SEL1L3: variants seen among roughly 807,000 people sequenced by gnomAD.
The protein encoded by SEL1L3 is SEL1L family member 3.
Under a neutral mutation model 142.8 loss-of-function variants are expected in SEL1L3, and 76 were observed. That is an observed-to-expected ratio of 0.53 (90% CI 0.44 to 0.64). The LOEUF (loss-of-function observed/expected upper bound fraction) is 0.64, where lower values mean the gene tolerates loss of function less well. SEL1L3 is among the 30% of genes least tolerant of loss of function. SEL1L3 has a pLI of 0.00. For missense variants in SEL1L3, 1,262 were observed against 1,381.7 expected (o/e 0.91, Z 1.37); for synonymous variants, 504 against 519.6 (o/e 0.97, Z 0.41).
At chr4:25,769,213 G>A (rs1409488044) in intron 17 of SEL1L3, among the ~76,000 whole-genome samples, 1 of 152,190 alleles carries the variant, frequency 6.6e-6, no homozygotes, top group Non-Finnish European at 1.5e-5. Flanking sequence ...AGCAGATTCT[G>A]AAATTATCTT....
Position 25,814,661 on chromosome 4 carries a change from C to CA in SEL1L3, c.1564+3476_1564+3477insT, listed in dbSNP as rs1560324662. 6.0e-5 allele frequency among the ~76,000 whole-genome samples: 9 copies of CA among 149,414 alleles called. No homozygotes were observed. In the East Asian group the frequency reaches 1.8e-3, roughly 29 times the overall value. On this transcript the variant is annotated intron_variant, in intron 9 of 23. Coordinates refer to ENST00000399878, the MANE Select transcript of SEL1L3 (RefSeq NM_015187.5). ...CGCTGTGGGCAGGAAGAACTTGGAA[C>CA]GAAGGGTATTTGAGGAACTGGGAAC...
At chr4:25,726,403 C>T in the SEL1L3 span, among the ~76,000 whole-genome samples, 1 of 151,764 alleles carries the variant, frequency 6.6e-6, no homozygotes, top group Admixed American at 6.6e-5. Flanking sequence ...TGGTGTGCGC[C>T]TGTAATCCCA....
intron 17 of SEL1L3, chr4:25,770,406 T>C (rs1719074608): frequency 1.3e-5 from 2 of 151,912 alleles, no homozygotes; most frequent in Admixed American, 6.6e-5. Context: ...GAAAGAGATG[T>C]CTAAAAAGGC....
At position 25,806,262 on chromosome 4, in the gene SEL1L3, T is replaced by C. The variant is rs559190513; in HGVS notation, c.1565-1510A>G. Among the ~76,000 whole-genome samples the C allele has an allele frequency of 7.0e-3, 1,070 of 152,000 alleles. 3 individuals carry two copies. Among genetic ancestry groups the C allele is most frequent in the Non-Finnish European group, 0.011 (763 of 67,932 alleles). Reference sequence around the variant, plus strand: ...CCGTGTTAGCCAGGATGGTCTGGATTTCCTGACGTCGTGATCCGCCCGCCT... The same window carrying C: ...CCGTGTTAGCCAGGATGGTCTGGATCTCCTGACGTCGTGATCCGCCCGCCT... On this transcript the variant is annotated intron_variant, in intron 9 of 23. Coordinates refer to ENST00000399878, the MANE Select transcript of SEL1L3 (RefSeq NM_015187.5).
intron 10 of SEL1L3, among the ~76,000 whole-genome samples, 189 bp downstream of exon 10, chr4:25,804,352 C>T (rs1713402550): frequency 6.6e-6 from 1 of 152,150 alleles, no homozygotes; most frequent in Non-Finnish European, 1.5e-5. Context: ...GGATGAAGTG[C>T]CCTTTTTCAC....
rs539367248 is a variant in SEL1L3 at position 25,757,850 on chromosome 4, A to T, written c.3084-60T>A. The T allele has an allele frequency of 9.2e-5, 112 of 1,218,758 alleles. 1 individual carries two copies. The South Asian group carries it at 1.3e-3, about 14-fold the overall frequency. The allele number at this position is 1,218,758 out of a possible 1,614,324, so 75.5% of individuals were successfully genotyped here. A position where few individuals can be genotyped will look rare whatever the true frequency, so the allele number is the denominator to read the frequency against. On this transcript the variant is annotated intron_variant, in intron 21 of 23. Coordinates refer to ENST00000399878, the MANE Select transcript of SEL1L3 (RefSeq NM_015187.5). ...GCCAACTTTGGTGGCACGACTCAGG[A>T]CTGGCATTTTCAGATCCACAAACCT...
intron 17 of SEL1L3, 54 bp downstream of exon 17, chr4:25,776,223 A>G (rs1380354503): frequency 6.0e-6 from 7 of 1,158,302 alleles, no homozygotes; most frequent in African/African-American, 1.5e-5. Context: ...ATTTCATAAG[A>G]CTATACTGAC....
chr4:25,789,710 G>A (rs999385235), intron 12 of SEL1L3, among the ~76,000 whole-genome samples: 3 of 151,518 alleles, frequency 2.0e-5, no homozygotes, highest in African/African-American at 4.9e-5. Context: ...GACTCTTCCC[G>A]ATGTTGCTGC....
intron 6 of SEL1L3, among the ~76,000 whole-genome samples, chr4:25,826,914 T>C (rs978392848): frequency 5.9e-5 from 9 of 152,174 alleles, no homozygotes; most frequent in Admixed American, 5.9e-4. Context: ...TCTGCCTGCC[T>C]CAGCCTCCCA....
Position 25,748,187 on chromosome 4 carries a change from C to A in SEL1L3, c.*238G>T. ...TCTGTGATGGCCCAGTAAACTTCCC[C>A]ACATGCCCTATGATCAAGATGTTCC... On this transcript the variant is annotated 3_prime_UTR_variant, in exon 24 of 24. Coordinates refer to ENST00000399878, the MANE Select transcript of SEL1L3 (RefSeq NM_015187.5). 9.9e-6 allele frequency: 5 copies of A among 502,796 alleles called. No individual in the cohort carries two copies. Among genetic ancestry groups the A allele is most frequent in the Non-Finnish European group, 1.8e-5 (5 of 280,648 alleles). 31.1% of individuals were successfully genotyped at this position (502,796 alleles called of 1,614,324 possible). A position where few individuals can be genotyped will look rare whatever the true frequency, so the allele number is the denominator to read the frequency against.
chr4:25,815,411 T>G (rs1714327889), intron 9 of SEL1L3, among the ~76,000 whole-genome samples: 1 of 152,146 alleles, frequency 6.6e-6, no homozygotes, highest in African/African-American at 2.4e-5. Flanking sequence ...GGTTTTTAAT[T>G]AGATTTCATT....
intron 2 of SEL1L3, among the ~76,000 whole-genome samples, chr4:25,842,880 C>T (rs771109202): frequency 5.9e-5 from 9 of 152,152 alleles, no homozygotes; most frequent in Non-Finnish European, 1.2e-4. Flanking sequence ...GGTGATCAGG[C>T]CAGGAAGGAA....
At chr4:25,811,482 C>G (rs1431718034) in intron 9 of SEL1L3, among the ~76,000 whole-genome samples, 4 of 151,284 alleles carry the variant, frequency 2.6e-5, no homozygotes, top group African/African-American at 9.9e-5. Context: ...TCTTAGCAGT[C>G]TGGATTGGAG....
At chr4:25,729,296 G>A in the SEL1L3 span, among the ~76,000 whole-genome samples, 1 of 152,172 alleles carries the variant, frequency 6.6e-6, no homozygotes. Context: ...TAATTTTACT[G>A]CATTTTAATG....
chr4:25,818,948 T>A (rs1242113618), intron 8 of SEL1L3, among the ~76,000 whole-genome samples: 1 of 152,162 alleles, frequency 6.6e-6, no homozygotes, highest in Admixed American at 6.5e-5. Context: ...GACTGGGGCA[T>A]GTTTGAGATG....
At chr4:25,817,610 G>A (rs1162657010) in intron 9 of SEL1L3, among the ~76,000 whole-genome samples, 1 of 152,184 alleles carries the variant, frequency 6.6e-6, no homozygotes, top group African/African-American at 2.4e-5. Flanking sequence ...TCAGATCCAT[G>A]AATGAAGTAA....
chr4:25,812,402 G>T (rs1020249288), intron 9 of SEL1L3, among the ~76,000 whole-genome samples: 1 of 152,158 alleles, frequency 6.6e-6, no homozygotes, highest in African/African-American at 2.4e-5. Context: ...CGACTTTCCT[G>T]ATTTCACAGT....
chr4:25,741,084 C>T, the SEL1L3 span, among the ~76,000 whole-genome samples: 23,161 of 150,922 alleles, frequency 0.15, 1,964 homozygotes, highest in Middle Eastern at 0.24. Flanking sequence ...TGCACCTGGC[C>T]ATATTACCTA....
intron 13 of SEL1L3, 55 bp from the exon 14 acceptor site, chr4:25,784,345 A>G (rs2109176768): frequency 7.7e-7 from 1 of 1,306,274 alleles, no homozygotes; most frequent in Non-Finnish European, 1.1e-6. Context: ...GACTGCACAC[A>G]TACAGACACT....
Sources: gnomAD v4.1 joint callset for allele counts (sites outside exome capture counted in the v4.1 genomes callset) on GRCh38, gnomAD v4.1.1 for gene constraint, MANE v1.5 for transcripts, NCBI Gene and HGNC (gene_info 2026-07-23, HGNC 2026-07-21) for gene names.